Variants in DBX2 observed in about 807,000 individuals in gnomAD.
The protein encoded by DBX2 is homeobox protein DBX2.
DBX2 carries 16 observed loss-of-function variants against 17.7 expected under a neutral mutation model. The observed-to-expected ratio is 0.90, with a 90% CI of 0.61 to 1.37. DBX2 has a LOEUF of 1.37. Ranked by LOEUF, DBX2 falls within the 40% of genes most tolerant of loss-of-function variation. The pLI, the probability that DBX2 is intolerant of heterozygous loss-of-function variation, is 0.00. For synonymous variants in DBX2, 255 were observed against 183.8 expected, an observed-to-expected ratio of 1.39 and a Z score of -3.13; for missense variants, 538 against 433.8, an observed-to-expected ratio of 1.24 and a Z score of -2.13.
At chr12:45,048,572 T>C (rs79492238) in intron 1 of DBX2, among the ~76,000 whole-genome samples, 3,852 of 152,308 alleles carry the variant, frequency 0.025, 183 homozygotes, top group African/African-American at 0.087. Flanking sequence ...GAATCTGTAA[T>C]TTAAATAAAA....
intron 2 of DBX2, among the ~76,000 whole-genome samples, chr12:45,034,041 T>C (rs1946422693): frequency 6.6e-6 from 1 of 151,994 alleles, no homozygotes; most frequent in African/African-American, 2.4e-5. Flanking sequence ...CCAACCTTTC[T>C]TTTCTATCTA....
intron 3 of DBX2, among the ~76,000 whole-genome samples, chr12:45,023,364 A>G (rs542927444): frequency 6.6e-6 from 1 of 152,280 alleles, no homozygotes; most frequent in South Asian, 2.1e-4. Context: ...ACACAGAGGA[A>G]ACGATTTATA....
chr12:45,021,781 G>A (rs1017736846), intron 3 of DBX2, among the ~76,000 whole-genome samples: 3 of 141,428 alleles, frequency 2.1e-5, no homozygotes, highest in African/African-American at 7.8e-5. Context: ...TCAACATAAG[G>A]CTTCAGAAAG....
intron 2 of DBX2, among the ~76,000 whole-genome samples, chr12:45,032,251 T>C (rs574915672): frequency 1.3e-5 from 2 of 152,326 alleles, no homozygotes; most frequent in South Asian, 2.1e-4. Context: ...TTCAACTTAT[T>C]GCACAAACTC....
intron 1 of DBX2, among the ~76,000 whole-genome samples, chr12:45,050,005 T>G (rs1270851030): frequency 6.6e-6 from 1 of 152,126 alleles, no homozygotes; most frequent in Non-Finnish European, 1.5e-5. Context: ...TTTGCGCAAC[T>G]CTCCTTCCAA....
chr12:45,034,012 C>T (rs543565608), intron 2 of DBX2, among the ~76,000 whole-genome samples: 91 of 152,080 alleles, frequency 6.0e-4, no homozygotes, highest in African/African-American at 1.9e-3. Flanking sequence ...CTTTTACATG[C>T]TCTATTTACT....
chr12:45,036,598 A>G (rs888305666), intron 1 of DBX2, among the ~76,000 whole-genome samples: 2 of 152,226 alleles, frequency 1.3e-5, no homozygotes, highest in African/African-American at 4.8e-5. Flanking sequence ...ACTAGGGATT[A>G]TATTAAATAG....
At chr12:45,042,994 T>C (rs1004680347) in intron 1 of DBX2, among the ~76,000 whole-genome samples, 13 of 152,202 alleles carry the variant, frequency 8.5e-5, no homozygotes, top group Non-Finnish European at 1.8e-4. Context: ...AGGAGATTCC[T>C]TGCTCTTTTT....
At chr12:45,041,492 A>G (rs1946471082) in intron 1 of DBX2, among the ~76,000 whole-genome samples, 1 of 152,220 alleles carries the variant, frequency 6.6e-6, no homozygotes. Context: ...TCCACCTGAA[A>G]GTAATTTGTT....
At position 45,046,962 on chromosome 12, in the gene DBX2, T is replaced by G. The variant is rs557779191; in HGVS notation, c.403+3563A>C. Among the ~76,000 whole-genome samples the G allele has an allele frequency of 6.6e-5, 10 of 152,320 alleles. No individual in the cohort carries two copies. The East Asian group carries it at 1.9e-3, about 29-fold the overall frequency. On this transcript the variant is annotated intron_variant, in intron 1 of 3. Coordinates refer to ENST00000332700, the MANE Select transcript of DBX2 (RefSeq NM_001004329.3). The stretch of plus-strand genomic sequence containing the variant: ...AATCCTTTCATATGCAGCAGAAGAA[T>G]AGATTTAATAAACAATAAAGGAAAT...
chr12:45,035,391 TC>T (rs369606996), intron 2 of DBX2, among the ~76,000 whole-genome samples: 15 of 152,328 alleles, frequency 9.8e-5, no homozygotes, highest in Non-Finnish European at 2.1e-4. Context: ...CCTGCATTTT[TC>T]CTTTGAGTGT....
chr12:45,048,085 T>C (rs915820200), intron 1 of DBX2, among the ~76,000 whole-genome samples: 11 of 152,124 alleles, frequency 7.2e-5, no homozygotes, highest in South Asian at 2.1e-4. Context: ...AAGCATGTGC[T>C]GAATGAATGA....
intron 1 of DBX2, among the ~76,000 whole-genome samples, chr12:45,043,874 T>C (rs1241176440): frequency 6.6e-6 from 1 of 152,128 alleles, no homozygotes; most frequent in Non-Finnish European, 1.5e-5. Context: ...AGGTATGTGC[T>C]TTAAAGTCAA....
chr12:45,028,470 C>T (rs890888809), intron 2 of DBX2, among the ~76,000 whole-genome samples: 1 of 152,044 alleles, frequency 6.6e-6, no homozygotes, highest in Non-Finnish European at 1.5e-5. Flanking sequence ...CTCTTCTTCA[C>T]CAAGATCTAC....
intron 2 of DBX2, among the ~76,000 whole-genome samples, chr12:45,028,841 G>T (rs1229484102): frequency 6.6e-6 from 1 of 152,104 alleles, no homozygotes; most frequent in East Asian, 1.9e-4. Flanking sequence ...TTTACTAGTT[G>T]CCTGGTTTCT....
intron 3 of DBX2, among the ~76,000 whole-genome samples, chr12:45,020,200 CCT>C (rs1445960470): frequency 6.6e-6 from 1 of 152,028 alleles, no homozygotes; most frequent in Non-Finnish European, 1.5e-5. Context: ...TATTCTATTC[CCT>C]GTTTCCCCCA....
At chr12:45,023,684 GA>G in intron 3 of DBX2, 22 bp downstream of exon 3, 1 of 1,613,448 alleles carries the variant, frequency 6.2e-7, no homozygotes, top group Non-Finnish European at 8.5e-7. Context: ...AGAGGCAGTA[GA>G]CATCTTCCTG....
At chr12:45,030,353 T>G (rs1419047377) in intron 2 of DBX2, among the ~76,000 whole-genome samples, 1 of 152,232 alleles carries the variant, frequency 6.6e-6, no homozygotes, top group African/African-American at 2.4e-5. Flanking sequence ...CATCTGATAC[T>G]GTGAACAGCT....
intron 2 of DBX2, among the ~76,000 whole-genome samples, chr12:45,024,786 G>A (rs1037145639): frequency 1.3e-5 from 2 of 152,182 alleles, no homozygotes; most frequent in African/African-American, 4.8e-5. Context: ...CACAAAACAA[G>A]GGGTCTGACA....
Sources: allele counts gnomAD v4.1 joint callset (sites outside exome capture counted in the v4.1 genomes callset), GRCh38; gene constraint gnomAD v4.1.1; transcripts MANE v1.5; gene names NCBI Gene and HGNC (gene_info 2026-07-23, HGNC 2026-07-21).